The following CMTM4 variants were observed in gnomAD, a reference collection of about 807,000 sequenced individuals.
CMTM4 encodes CKLF like MARVEL transmembrane domain containing 4.
CMTM4 carries 8 observed loss-of-function variants against 19.0 expected under a neutral mutation model. The ratio of observed to expected loss-of-function variants is 0.42; its 90% CI spans 0.25 to 0.76. The LOEUF (loss-of-function observed/expected upper bound fraction) is 0.76, where lower values mean the gene tolerates loss of function less well. Among genes scored for constraint, CMTM4 ranks in the 30% least tolerant of loss-of-function variants. The pLI, the probability that CMTM4 is intolerant of heterozygous loss-of-function variation, is 0.27. For synonymous variants in CMTM4, 106 were observed against 121.1 expected, an observed-to-expected ratio of 0.88 and a Z score of 0.82; for missense variants, 228 against 290.2, an observed-to-expected ratio of 0.79 and a Z score of 1.56.
chr16:66,601,840 G>T, the CMTM4 span, among the ~76,000 whole-genome samples: 3 of 152,240 alleles, frequency 2.0e-5, no homozygotes, highest in African/African-American at 7.2e-5. Flanking sequence ...TGCAGCTGTG[G>T]TTTGGGCAGC....
intron 1 of CMTM4, among the ~76,000 whole-genome samples, chr16:66,649,875 C>A (rs2016278688): frequency 6.6e-6 from 1 of 151,518 alleles, no homozygotes; most frequent in Non-Finnish European, 1.5e-5. Context: ...ACGCCCCAGG[C>A]AAACAGGGTG....
Position 66,696,451 on chromosome 16 carries a change from G to A in CMTM4, c.75C>T (p.Ser25=), listed in dbSNP as rs1302180996. The A allele has an allele frequency of 2.2e-6, 3 of 1,346,232 alleles. No homozygotes were observed. The highest frequency in any genetic ancestry group is 1.5e-5 in the African/African-American group (1 of 64,986). 83.4% of individuals were successfully genotyped at this position (1,346,232 alleles called of 1,614,324 possible). A position where few individuals can be genotyped will look rare whatever the true frequency, so the allele number is the denominator to read the frequency against. ...SSTSMISGAS[S]PYQPTTEPVS... is the part of the protein sequence containing the mutation. ...CCGGCTCGGTGGTGGGCTGGTACGG[G>A]CTGCTGGCGCCCGAGATCATGGAGG... The change falls in exon 1 of 4, where the codon AGC becomes AGT. Residue 25 remains serine, a synonymous_variant. Transcript: ENST00000394106. This position sits in a 1 kb window ranked among gnomAD's most constrained non-coding sequence, Gnocchi z 4.3.
rs1453863147 is a variant in CMTM4 at position 66,683,176 on chromosome 16, CATAT to C, written c.186+13160_186+13163del. Among the ~76,000 whole-genome samples the C allele has an allele frequency of 1.9e-3, 204 of 105,850 alleles. 3 individuals carry two copies. The highest frequency in any genetic ancestry group is 0.015 in the East Asian group (49 of 3,300). The allele number at this position is 105,850 out of a possible 152,430, so 69.4% of individuals were successfully genotyped here. A position where few individuals can be genotyped will look rare whatever the true frequency, so the allele number is the denominator to read the frequency against. ...ATATATATACGTATATATATATATA[CATAT>C]GTATATATATATACATATATATATA... is the stretch of plus-strand genomic sequence containing the variant. On this transcript the variant is annotated intron_variant, in intron 1 of 3. Coordinates refer to ENST00000394106, the MANE Select transcript of CMTM4 (RefSeq NM_181521.3).
intron 1 of CMTM4, among the ~76,000 whole-genome samples, chr16:66,685,210 T>C (rs2017009673): frequency 1.3e-5 from 2 of 152,198 alleles, no homozygotes; most frequent in Admixed American, 1.3e-4. Flanking sequence ...GGAAAATTTA[T>C]TATCTGTGAT....
Position 66,618,694 on chromosome 16 carries a change from T to C in CMTM4, c.*3364A>G, listed in dbSNP as rs2015571680. ...TCCTCAGGCTTAACCCAAGGCTGAC[T>C]CACTAGGACAGCTTCCAAGAACCAC... On this transcript the variant is annotated 3_prime_UTR_variant, in exon 4 of 4. Transcript: ENST00000394106. 3 of 985,488 alleles carry C rather than the reference T, an allele frequency of 3.0e-6. No individual in the cohort carries two copies. The highest frequency in any genetic ancestry group is 3.6e-6 in the Non-Finnish European group (3 of 829,948). 61.0% of individuals were successfully genotyped at this position (985,488 alleles called of 1,614,324 possible). A position where few individuals can be genotyped will look rare whatever the true frequency, so the allele number is the denominator to read the frequency against.
intron 1 of CMTM4, among the ~76,000 whole-genome samples, chr16:66,652,436 CT>C (rs892930331): frequency 6.6e-6 from 1 of 152,204 alleles, no homozygotes; most frequent in Non-Finnish European, 1.5e-5. Flanking sequence ...TCACTAAGGC[CT>C]ATTCAATCAG....
chr16:66,620,000 T>C lies in CMTM4; in HGVS notation c.*2058A>G. Reference sequence around the variant, plus strand: ...GAGGCCAACCACCTGCCCCCCTCTTTCACCAGATGATCAAGTGGTTTTACT... The same window carrying C: ...GAGGCCAACCACCTGCCCCCCTCTTCCACCAGATGATCAAGTGGTTTTACT... On this transcript the variant is annotated 3_prime_UTR_variant, in exon 4 of 4. Coordinates refer to ENST00000394106, the MANE Select transcript of CMTM4 (RefSeq NM_181521.3). The C allele has an allele frequency of 1.0e-6, 1 of 985,394 alleles. No individual in the cohort carries two copies. Among genetic ancestry groups the C allele is most frequent in the Non-Finnish European group, 1.2e-6 (1 of 829,924 alleles). 61.0% of individuals were successfully genotyped at this position (985,394 alleles called of 1,614,324 possible). A position where few individuals can be genotyped will look rare whatever the true frequency, so the allele number is the denominator to read the frequency against.
At chr16:66,644,431 T>TACGAAGGCCTACGAAGG (rs2016152310) in intron 1 of CMTM4, among the ~76,000 whole-genome samples, 1 of 152,220 alleles carries the variant, frequency 6.6e-6, no homozygotes, top group South Asian at 2.1e-4. Flanking sequence ...ACGAAGGATC[T>TACGAAGGCCTACGAAGG]ATTGCAGTGG....
the CMTM4 span, chr16:66,604,860 C>T: frequency 2.5e-5 from 35 of 1,389,880 alleles, no homozygotes; most frequent in East Asian, 3.1e-5. Context: ...CGGCGGCTCC[C>T]GTCCCGGCCC....
At chr16:66,602,175 T>C in the CMTM4 span, among the ~76,000 whole-genome samples, 16 of 152,356 alleles carry the variant, frequency 1.1e-4, no homozygotes, top group East Asian at 1.9e-3. Flanking sequence ...GGCGGGAAGA[T>C]TGTTGGAGGC....
At chr16:66,692,039 G>A (rs561141940) in intron 1 of CMTM4, among the ~76,000 whole-genome samples, 27 of 151,614 alleles carry the variant, frequency 1.8e-4, no homozygotes, top group Non-Finnish European at 3.2e-4. Context: ...AAAAATCTCA[G>A]CTTTAAGGTT....
In CMTM4 at chr16:66,635,367, T is replaced by C. The variant is rs116144744; in HGVS notation, c.363+1038A>G. ...TTCTAGATCAGCAACTCTCCTTTTTTCCTCCTTTAGGAGTCTGTGCTGGTT... is the reference window on the plus strand; with the variant it reads ...TTCTAGATCAGCAACTCTCCTTTTTCCCTCCTTTAGGAGTCTGTGCTGGTT... On this transcript the variant is annotated intron_variant, in intron 2 of 3. Transcript: ENST00000394106. Among the ~76,000 whole-genome samples, 490 of 152,358 alleles carry C rather than the reference T, an allele frequency of 3.2e-3. 1 individual carries two copies. The highest frequency in any genetic ancestry group is 0.011 in the African/African-American group (459 of 41,590).
intron 1 of CMTM4, among the ~76,000 whole-genome samples, chr16:66,683,735 G>A (rs1399760699): frequency 6.6e-6 from 1 of 151,802 alleles, no homozygotes; most frequent in African/African-American, 2.4e-5. Context: ...TCAATGCTCT[G>A]GAGGAGAATC....
chr16:66,608,306 C>G, the CMTM4 span: 2 of 1,614,034 alleles, frequency 1.2e-6, no homozygotes, highest in African/African-American at 2.7e-5. The surrounding 1 kb of genome is among the most constrained non-coding windows in gnomAD (Gnocchi z 5.1). Context: ...TCCTTCCCCG[C>G]AGGGTCTCTC....
intron 1 of CMTM4, among the ~76,000 whole-genome samples, chr16:66,645,392 A>G (rs1416915452): frequency 6.6e-6 from 1 of 151,852 alleles, no homozygotes; most frequent in East Asian, 1.9e-4. Context: ...AGCCTGGTCA[A>G]GATGGTGAAA....
At chr16:66,664,760 AG>A (rs2016561643) in intron 1 of CMTM4, among the ~76,000 whole-genome samples, 1 of 152,212 alleles carries the variant, frequency 6.6e-6, no homozygotes, top group African/African-American at 2.4e-5. Context: ...AAGGGAAAAC[AG>A]GAACAAAACA....
chr16:66,684,815 C>T (rs1414484559), intron 1 of CMTM4, among the ~76,000 whole-genome samples: 1 of 152,186 alleles, frequency 6.6e-6, no homozygotes, highest in Non-Finnish European at 1.5e-5. Context: ...GAGCCCTGGA[C>T]CACTTCAAAC....
At chr16:66,648,763 G>T (rs1431011141) in intron 1 of CMTM4, among the ~76,000 whole-genome samples, 1 of 152,030 alleles carries the variant, frequency 6.6e-6, no homozygotes, top group Non-Finnish European at 1.5e-5. Context: ...CCTGAGGTCA[G>T]GAGTTCAAGA....
intron 2 of CMTM4, among the ~76,000 whole-genome samples, chr16:66,633,819 A>C (rs2015931197): frequency 6.8e-6 from 1 of 146,592 alleles, no homozygotes; most frequent in Non-Finnish European, 1.5e-5. Flanking sequence ...CCCCATCTCA[A>C]AAAAAAAAAA....
Sources: allele counts gnomAD v4.1 joint callset (sites outside exome capture counted in the v4.1 genomes callset), GRCh38; gene constraint gnomAD v4.1.1; non-coding constraint Gnocchi (gnomAD v3.1); transcripts MANE v1.5; gene names NCBI Gene and HGNC (gene_info 2026-07-23, HGNC 2026-07-21).